The following SLC43A3 variants were observed in gnomAD, a reference collection of about 807,000 sequenced individuals.
The protein encoded by SLC43A3 is solute carrier family 43 member 3.
SLC43A3 carries 33 observed loss-of-function variants against 53.3 expected under a neutral mutation model. The ratio of observed to expected loss-of-function variants is 0.62; its 90% CI spans 0.47 to 0.83. The LOEUF (loss-of-function observed/expected upper bound fraction) is 0.83, where lower values mean the gene tolerates loss of function less well. Ranked by LOEUF, SLC43A3 falls within the 40% of genes least tolerant of loss-of-function variation. The pLI, the probability that SLC43A3 is intolerant of heterozygous loss-of-function variation, is 0.00. For synonymous variants in SLC43A3, 236 were observed against 246.2 expected, an observed-to-expected ratio of 0.96 and a Z score of 0.39; for missense variants, 530 against 610.0, an observed-to-expected ratio of 0.87 and a Z score of 1.38.
chr11:57,415,114 G>T lies in SLC43A3; in HGVS notation c.770-8C>A. ...GCCCTGCCCCTGGGGTCTCTAATGG[G>T]GAGAGGAGGATCTGGGCGTGAATTA... On this transcript the variant is annotated splice_polypyrimidine_tract_variant and splice_region_variant and intron_variant, in intron 9 of 13. Coordinates refer to ENST00000395124, the MANE Select transcript of SLC43A3 (RefSeq NM_199329.3). 6.2e-7 allele frequency: 1 copy of T among 1,602,404 alleles called. No individual in the cohort carries two copies. The highest frequency in any genetic ancestry group is 1.7e-5 in the Admixed American group (1 of 59,114).
Position 57,416,686 on chromosome 11 carries a change from C to A in SLC43A3, c.672-16G>T. ...AGGGCACAGGCTATGGAAACAAAAGCCCCACCAGCAAGGCCAAGGACTGTG... is the reference window on the plus strand; with the variant it reads ...AGGGCACAGGCTATGGAAACAAAAGACCCACCAGCAAGGCCAAGGACTGTG... On this transcript the variant is annotated splice_polypyrimidine_tract_variant and intron_variant, in intron 8 of 13. Transcript: ENST00000395124. 2 of 1,606,684 alleles carry A rather than the reference C, an allele frequency of 1.2e-6. No homozygotes were observed. The highest frequency in any genetic ancestry group is 1.7e-6 in the Non-Finnish European group (2 of 1,173,610).
intron 3 of SLC43A3, 127 bp downstream of exon 3, chr11:57,425,862 G>C: frequency 7.5e-7 from 1 of 1,332,884 alleles, no homozygotes; most frequent in Non-Finnish European, 1.0e-6. Context: ...ATCAAGTGGG[G>C]TGAGAGCTGC....
intron 9 of SLC43A3, chr11:57,415,447 G>A (rs1369163048): frequency 4.6e-6 from 6 of 1,303,382 alleles, no homozygotes. Context: ...GAGAAAGTCA[G>A]AAGGGAGAGG....
chr11:57,424,081 G>A (rs751061006), intron 4 of SLC43A3, 53 bp from the exon 5 acceptor site: 552 of 1,565,760 alleles, frequency 3.5e-4, no homozygotes, highest in Non-Finnish European at 3.9e-4. Flanking sequence ...AGAAACCTGG[G>A]AGAAAAAACA....
At chr11:57,427,343 C>G (rs1420353352), upstream of SLC43A3, 3 of 152,770 alleles carry the variant, frequency 2.0e-5, no homozygotes, top group Non-Finnish European at 4.4e-5. Context: ...TTTCAGCCTC[C>G]CAGCCCCCTT....
chr11:57,412,835 T>C (rs1942541480), intron 11 of SLC43A3, among the ~76,000 whole-genome samples: 1 of 150,952 alleles, frequency 6.6e-6, no homozygotes, highest in Non-Finnish European at 1.5e-5. Flanking sequence ...GAAAAGAAAA[T>C]CATCCTTTTG....
chr11:57,414,887 C>T, intron 10 of SLC43A3, 46 bp downstream of exon 10: 1 of 1,606,872 alleles, frequency 6.2e-7, no homozygotes, highest in Non-Finnish European at 8.5e-7. Context: ...CTCTGTGTTC[C>T]CAGCTGGGAC....
intron 9 of SLC43A3, among the ~76,000 whole-genome samples, chr11:57,416,283 A>T (rs1436807871): frequency 1.3e-5 from 2 of 152,222 alleles, no homozygotes; most frequent in African/African-American, 4.8e-5. Flanking sequence ...ATGGCATCAC[A>T]GAAGAGGGCA....
chr11:57,408,796 C>T (rs1942318486), intron 13 of SLC43A3: 1 of 204,788 alleles, frequency 4.9e-6, no homozygotes, highest in Admixed American at 5.2e-5. Flanking sequence ...ACGACCACCT[C>T]CTAGAGCAGG....
At chr11:57,416,464 G>T in intron 9 of SLC43A3, 109 bp downstream of exon 9, 4 of 789,162 alleles carry the variant, frequency 5.1e-6, no homozygotes, top group Admixed American at 2.2e-5. Context: ...TTTCTGTCCT[G>T]CCTTTCCTGA....
intron 4 of SLC43A3, among the ~76,000 whole-genome samples, chr11:57,424,914 C>T (rs138315341): frequency 6.6e-6 from 1 of 152,338 alleles, no homozygotes; most frequent in Non-Finnish European, 1.5e-5. Flanking sequence ...GGCCACAGAG[C>T]ACGAGATTAG....
chr11:57,417,917 C>A, intron 7 of SLC43A3, 30 bp from the exon 8 acceptor site: 1 of 1,609,524 alleles, frequency 6.2e-7, no homozygotes, highest in South Asian at 1.1e-5. Context: ...AAGTCAGTGT[C>A]ACACCCACGT....
chr11:57,415,008 G>A lies in SLC43A3; in HGVS notation c.868C>T (p.Gln290Ter). 1 of 1,614,174 alleles carries A rather than the reference G, an allele frequency of 6.2e-7. No homozygotes were observed. Among genetic ancestry groups the A allele is most frequent in the Non-Finnish European group, 8.5e-7 (1 of 1,180,036 alleles). The change falls in exon 10 of 14, where the codon CAG (glutamine) becomes TAG (stop). Residue 290 changes from glutamine to a stop codon, truncating the protein, a stop_gained. Transcript: ENST00000395124. LOFTEE classifies it high-confidence loss of function. ...AWHLVWLSVIQLWHYLFIGTL... is the reference protein window; with the variant it reads ...AWHLVWLSVI Reference sequence around the variant, plus strand: ...CCAATGAAGAGGTAGTGCCACAACTGTATCACAGACAGCCACACCAGGTGC... The same window carrying A: ...CCAATGAAGAGGTAGTGCCACAACTATATCACAGACAGCCACACCAGGTGC...
rs188477755 is a variant in SLC43A3 at position 57,421,270 on chromosome 11, G to A, written c.438+27C>T. On this transcript the variant is annotated intron_variant, in intron 6 of 13. Transcript: ENST00000395124. ...CTCCACCTTCCCGCCACCCTGCCGAGTGCCTGGGATTAGGGAAGGCTCCCA... is the reference window on the plus strand; with the variant it reads ...CTCCACCTTCCCGCCACCCTGCCGAATGCCTGGGATTAGGGAAGGCTCCCA... The A allele has an allele frequency of 5.9e-5, 93 of 1,580,304 alleles. 2 individuals are homozygous for A. In the Admixed American group the frequency reaches 1.3e-3, roughly 22 times the overall value.
chr11:57,423,009 C>T (rs77066277), intron 5 of SLC43A3, among the ~76,000 whole-genome samples: 1,622 of 152,262 alleles, frequency 0.011, 39 homozygotes, highest in African/African-American at 0.038. Context: ...AAAAATTGAG[C>T]CACGGGTCTA....
Position 57,417,864 on chromosome 11 carries a change from G to C in SLC43A3, c.555C>G (p.Ser185Arg). The C allele has an allele frequency of 6.2e-7, 1 of 1,614,170 alleles. No homozygotes were observed. The highest frequency in any genetic ancestry group is 8.5e-7 in the Non-Finnish European group (1 of 1,180,036). ...IIKLLYEKGI[S>R]LRASFIFISV... is the part of the protein sequence containing the mutation. Reference sequence around the variant, plus strand: ...AGATGAAGATGAAGGAGGCCCTGAGGCTGATGCCTTTTTCATAAAGAAGCT... The same window carrying C: ...AGATGAAGATGAAGGAGGCCCTGAGCCTGATGCCTTTTTCATAAAGAAGCT... The change falls in exon 8 of 14, where the codon AGC becomes AGG. Residue 185 changes from serine (S) to arginine (R), a missense_variant. Coordinates refer to ENST00000395124, the MANE Select transcript of SLC43A3 (RefSeq NM_199329.3).
chr11:57,425,504 T>C, intron 4 of SLC43A3, 37 bp downstream of exon 4: 2 of 1,605,296 alleles, frequency 1.2e-6, no homozygotes, highest in Non-Finnish European at 1.7e-6. Flanking sequence ...AGGATTCCTC[T>C]TACCCACCTT....
chr11:57,409,729 G>C (rs1356905019), intron 12 of SLC43A3, among the ~76,000 whole-genome samples: 1 of 152,174 alleles, frequency 6.6e-6, no homozygotes, highest in African/African-American at 2.4e-5. Flanking sequence ...CAGAGGGAGA[G>C]GGCACCGCAG....
At chr11:57,413,431 A>G (rs576546706) in intron 11 of SLC43A3, among the ~76,000 whole-genome samples, 9 of 152,326 alleles carry the variant, frequency 5.9e-5, no homozygotes, top group African/African-American at 2.2e-4. Context: ...TCATGATTTT[A>G]TGGTGATGTT....
Sources: allele counts gnomAD v4.1 joint callset (sites outside exome capture counted in the v4.1 genomes callset), GRCh38; gene constraint gnomAD v4.1.1; transcripts MANE v1.5; gene names NCBI Gene and HGNC (gene_info 2026-07-23, HGNC 2026-07-21).